CEP164: variants seen among roughly 807,000 people sequenced by gnomAD.
The protein encoded by CEP164 is centrosomal protein of 164 kDa.
CEP164 carries 162 observed loss-of-function variants against 182.7 expected under a neutral mutation model. The observed-to-expected ratio is 0.89, with a 90% CI of 0.78 to 1.01. The LOEUF is 1.01. Ranked by LOEUF, CEP164 falls within the 50% of genes least tolerant of loss-of-function variation. The pLI, the probability that CEP164 is intolerant of heterozygous loss-of-function variation, is 0.00. For synonymous variants in CEP164, 661 were observed against 690.0 expected (o/e 0.96, Z 0.66); for missense variants, 1,735 against 1,790.4 (o/e 0.97, Z 0.56).
intron 8 of CEP164, among the ~76,000 whole-genome samples, chr11:117,365,768 C>T (rs1002737799): frequency 3.3e-5 from 5 of 151,742 alleles, no homozygotes; most frequent in Non-Finnish European, 5.9e-5. Context: ...TTAGTAGATA[C>T]GGGGTTTCAC....
intron 17 of CEP164, 149 bp from the exon 18 acceptor site, chr11:117,392,077 T>C (rs1401679134): frequency 1.6e-5 from 9 of 563,944 alleles, no homozygotes; most frequent in South Asian, 1.5e-4. Flanking sequence ...GGCTGAGTTA[T>C]TTCAGAGGAA....
At chr11:117,371,795 C>CTTTTTTTTTTTTTTT (rs34338708) in intron 9 of CEP164, among the ~76,000 whole-genome samples, 1 of 138,394 alleles carries the variant, frequency 7.2e-6, no homozygotes, top group Non-Finnish European at 1.5e-5. Context: ...CCCTCTTGTA[C>CTTTTTTTTTTTTTTT]TTTTTTTTTT....
At position 117,412,155 on chromosome 11, in the gene CEP164, T is replaced by C; in HGVS notation, c.4370T>C (p.Val1457Ala). 1 of 1,613,958 alleles carries C rather than the reference T, an allele frequency of 6.2e-7. No individual in the cohort carries two copies. Among genetic ancestry groups the C allele is most frequent in the Non-Finnish European group, 8.5e-7 (1 of 1,179,954 alleles). The part of the protein sequence containing the change: ...LGLDEHNRVK[V>A]YRF ...CTTGATGAGCACAACAGAGTGAAGG[T>C]GTATCGCTTCTGAGGCCCTGAGCAG... The change falls in exon 33 of 33, where the codon GTG (valine) becomes GCG (alanine). Residue 1457 changes from valine to alanine, a missense_variant. Coordinates refer to ENST00000278935, the MANE Select transcript of CEP164 (RefSeq NM_014956.5).
In CEP164 at chr11:117,392,280, TCATTGGAGGCCAAG is replaced by T; in HGVS notation, c.2341_2354del (p.Leu781ProfsTer44). On this transcript the variant is annotated frameshift_variant, in exon 18 of 33. Coordinates refer to ENST00000278935, the MANE Select transcript of CEP164 (RefSeq NM_014956.5). LOFTEE classifies it high-confidence loss of function. ...TGCTGAGCTGGAGCGGCTCTGCTCC[TCATTGGAGGCCAAG>T]CACCGGGAGGTAAGATGCAGCATCC... 1 of 1,611,692 alleles carries T rather than the reference TCATTGGAGGCCAAG, an allele frequency of 6.2e-7. No homozygotes were observed. The highest frequency in any genetic ancestry group is 8.5e-7 in the Non-Finnish European group (1 of 1,179,682).
intron 1 of CEP164, among the ~76,000 whole-genome samples, chr11:117,334,283 A>G (rs917034575): frequency 6.6e-6 from 1 of 152,248 alleles, no homozygotes; most frequent in African/African-American, 2.4e-5. Context: ...AGACAAATAG[A>G]TATGACTTCT....
intron 14 of CEP164, chr11:117,386,827 T>G (rs1592322243): frequency 4.8e-6 from 1 of 209,288 alleles, no homozygotes; most frequent in Non-Finnish European, 9.7e-6. Flanking sequence ...AGCGGGGAGG[T>G]GGTAACGGGG....
chr11:117,389,304 G>A (rs1207867799), intron 15 of CEP164, among the ~76,000 whole-genome samples: 1 of 152,142 alleles, frequency 6.6e-6, no homozygotes, highest in Non-Finnish European at 1.5e-5. Context: ...GCAGGGGGAT[G>A]TCTGCTTAGG....
At chr11:117,357,423 CTTT>C (rs4018866) in intron 5 of CEP164, among the ~76,000 whole-genome samples, 4 of 121,516 alleles carry the variant, frequency 3.3e-5, no homozygotes, top group Non-Finnish European at 3.5e-5. Context: ...AGTTAATATT[CTTT>C]TTTTTTTTTT....
At position 117,394,928 on chromosome 11, in the gene CEP164, G is replaced by C. The variant is rs758053625; in HGVS notation, c.2769G>C (p.Lys923Asn). Reference sequence around the variant, plus strand: ...TTTCCCTTTCTGGGCAGGAAAGGAAGCTCCAGGATTTAGAGTTGGACCTTG... The same window carrying C: ...TTTCCCTTTCTGGGCAGGAAAGGAACCTCCAGGATTTAGAGTTGGACCTTG... Reference protein sequence around the residue: ...LRRRHREQERKLQDLELDLET... With the variant: ...LRRRHREQERNLQDLELDLET... Residue 923 changes from lysine (K) to asparagine (N), a missense_variant, in exon 22 of 33, where the codon AAG becomes AAC. Physicochemically the swap from Lys to Asn is moderately conservative, Grantham distance 94. Transcript: ENST00000278935. This position sits in a 1 kb window ranked among gnomAD's most constrained non-coding sequence, Gnocchi z 4.0. 10 of 1,614,022 alleles carry C rather than the reference G, an allele frequency of 6.2e-6. No homozygotes were observed. In the Admixed American group the frequency reaches 1.5e-4, roughly 24 times the overall value.
intron 2 of CEP164, 87 bp downstream of exon 2, chr11:117,335,767 G>T (rs572063841): frequency 1.9e-5 from 3 of 160,248 alleles, no homozygotes; most frequent in African/African-American, 4.8e-5. Flanking sequence ...CCAACAAAAG[G>T]CCTGCTGGGG....
At chr11:117,405,558 A>C (rs532103698) in intron 27 of CEP164, among the ~76,000 whole-genome samples, 92 of 152,284 alleles carry the variant, frequency 6.0e-4, no homozygotes, top group African/African-American at 1.9e-3. Context: ...CTTCTGCGTT[A>C]ATCTTGCTGG....
At chr11:117,359,326 T>G in intron 5 of CEP164, 3 of 768,344 alleles carry the variant, frequency 3.9e-6, no homozygotes, top group Non-Finnish European at 4.7e-6. Flanking sequence ...CAGGTGGTTG[T>G]GAGAGTAAAA....
At chr11:117,326,501 G>A (rs2035458130), upstream of CEP164, among the ~76,000 whole-genome samples, 1 of 152,118 alleles carries the variant, frequency 6.6e-6, no homozygotes, top group African/African-American at 2.4e-5. Context: ...CCAAAGTGCT[G>A]GGATTACAGG....
rs896094430 is a variant in CEP164, at chr11:117,392,412, A to T, written c.2362-84A>T. On this transcript the variant is annotated intron_variant, in intron 18 of 32. Transcript: ENST00000278935. ...TCTCCAGCCCTGGGGGATGGATGCC[A>T]GGTCCTCAGAACACATCCCCACACA... 3.2e-6 allele frequency: 5 copies of T among 1,567,080 alleles called. No homozygotes were observed. In the African/African-American group the frequency reaches 6.7e-5, roughly 21 times the overall value.
Position 117,392,528 on chromosome 11 carries a change from A to G in CEP164, c.2394A>G (p.Glu798=). ...CCAGCCTCCAGAAGAAGATACAGGAAGCTCAACAGAAAGAGGAGGCCCAGC... is the reference window on the plus strand; with the variant it reads ...CCAGCCTCCAGAAGAAGATACAGGAGGCTCAACAGAAAGAGGAGGCCCAGC... ...VVSSLQKKIQ[E]AQQKEEAQLQ... The change falls in exon 19 of 33, where the codon GAA becomes GAG. Residue 798 remains glutamate (E), a synonymous_variant. Coordinates refer to ENST00000278935, the MANE Select transcript of CEP164 (RefSeq NM_014956.5). 1.2e-6 allele frequency: 2 copies of G among 1,614,166 alleles called. No homozygotes were observed. Among genetic ancestry groups the G allele is most frequent in the Non-Finnish European group, 1.7e-6 (2 of 1,180,022 alleles).
In CEP164 at chr11:117,409,083, T is replaced by G; in HGVS notation, c.3748+55T>G. 1.2e-6 allele frequency: 2 copies of G among 1,609,180 alleles called. No homozygotes were observed. The highest frequency in any genetic ancestry group is 1.7e-6 in the Non-Finnish European group (2 of 1,177,244). ...ATGGTATCCATGGAATGGGAGGAAC[T>G]TGGGGAATAGAAGAAGAGCTCTCTT... On this transcript the variant is annotated intron_variant, in intron 29 of 32. Coordinates refer to ENST00000278935, the MANE Select transcript of CEP164 (RefSeq NM_014956.5). The surrounding 1 kb of genome is among the most constrained non-coding windows in gnomAD (Gnocchi z 4.4).
At chr11:117,347,101 C>T (rs1418861705) in intron 4 of CEP164, among the ~76,000 whole-genome samples, 2 of 152,128 alleles carry the variant, frequency 1.3e-5, no homozygotes, top group Non-Finnish European at 2.9e-5. Context: ...CCTACTCATT[C>T]TTGTATCAGC....
chr11:117,409,536 G>T lies in CEP164; in HGVS notation c.3749-82G>T. The T allele has an allele frequency of 4.7e-6, 6 of 1,284,550 alleles. No homozygotes were observed. Among genetic ancestry groups the T allele is most frequent in the African/African-American group, 1.5e-5 (1 of 68,288 alleles). 79.6% of individuals were successfully genotyped at this position (1,284,550 alleles called of 1,614,324 possible). ...GAAGCAGGGAGGGGTGGCCAGTAGG[G>T]TCCTCCATGACAGCTGTGTCTGGGA... On this transcript the variant is annotated intron_variant, in intron 29 of 32. Coordinates refer to ENST00000278935, the MANE Select transcript of CEP164 (RefSeq NM_014956.5). This position sits in a 1 kb window ranked among gnomAD's most constrained non-coding sequence, Gnocchi z 4.4.
intron 1 of CEP164, among the ~76,000 whole-genome samples, chr11:117,322,554 T>C (rs2134521256): frequency 6.6e-6 from 1 of 151,942 alleles, no homozygotes; most frequent in South Asian, 2.1e-4. Flanking sequence ...TATTCCTCCT[T>C]TTCCTTTTTC....
Sources: allele counts gnomAD v4.1 joint callset (sites outside exome capture counted in the v4.1 genomes callset), GRCh38; gene constraint gnomAD v4.1.1; non-coding constraint Gnocchi (gnomAD v3.1); transcripts MANE v1.5; gene names NCBI Gene and HGNC (gene_info 2026-07-23, HGNC 2026-07-21).